PRKCQ: variants seen among roughly 807,000 people sequenced by gnomAD.
PRKCQ encodes protein kinase C theta.
In PRKCQ, 41 loss-of-function variants were observed where a neutral mutation model predicts 91.2. The observed-to-expected ratio is 0.45, with a 90% CI of 0.35 to 0.58. The LOEUF is 0.58. Among genes scored for constraint, PRKCQ ranks in the 20% least tolerant of loss-of-function variants. The probability of loss-of-function intolerance (pLI) is 0.00; values close to 1 mark genes in which losing one functional copy is unlikely to be tolerated. For synonymous variants in PRKCQ, 307 were observed against 316.9 expected, an observed-to-expected ratio of 0.97 and a Z score of 0.33; for missense variants, 673 against 896.5, an observed-to-expected ratio of 0.75 and a Z score of 3.18.
chr10:6,516,836 A>G (rs1838780743), intron 1 of PRKCQ, among the ~76,000 whole-genome samples: 1 of 152,102 alleles, frequency 6.6e-6, no homozygotes, highest in African/African-American at 2.4e-5. Context: ...CCAGGAAGAG[A>G]AGATGGAAAC....
chr10:6,510,160 T>G (rs1451593059), intron 3 of PRKCQ, among the ~76,000 whole-genome samples: 1 of 152,252 alleles, frequency 6.6e-6, no homozygotes, highest in Non-Finnish European at 1.5e-5. Context: ...ATTTTCTGGA[T>G]TTCAGATCAT....
intron 1 of PRKCQ, among the ~76,000 whole-genome samples, chr10:6,574,258 A>G (rs1383671355): frequency 6.6e-6 from 1 of 152,220 alleles, no homozygotes; most frequent in Admixed American, 6.5e-5. Flanking sequence ...CTGTGAGTTC[A>G]TGGGCAGGTA....
intron 14 of PRKCQ, among the ~76,000 whole-genome samples, chr10:6,458,067 T>G (rs548189626): frequency 6.6e-6 from 1 of 152,312 alleles, no homozygotes; most frequent in East Asian, 1.9e-4. Flanking sequence ...CCTCAGACTC[T>G]TGACCACATG....
intron 4 of PRKCQ, among the ~76,000 whole-genome samples, chr10:6,500,092 A>G (rs1837825251): frequency 6.6e-6 from 1 of 152,214 alleles, no homozygotes; most frequent in South Asian, 2.1e-4. Flanking sequence ...ACCTGGAACT[A>G]GGCTGGAAAT....
At chr10:6,395,301 T>C in the PRKCQ span, among the ~76,000 whole-genome samples, 1 of 150,368 alleles carries the variant, frequency 6.7e-6, no homozygotes, top group Non-Finnish European at 1.5e-5. Context: ...CCTGACCTCG[T>C]GATCCGCTCA....
the PRKCQ span, among the ~76,000 whole-genome samples, chr10:6,404,740 T>C: frequency 2.1e-5 from 3 of 144,624 alleles, no homozygotes; most frequent in Admixed American, 2.0e-4. Context: ...CCCTCCTTCC[T>C]TCCTCCCTTC....
At chr10:6,395,846 G>C in the PRKCQ span, among the ~76,000 whole-genome samples, 2 of 152,122 alleles carry the variant, frequency 1.3e-5, no homozygotes, top group African/African-American at 4.8e-5. Flanking sequence ...CTGACCGTCA[G>C]TGCCCTGTAC....
At chr10:6,485,968 G>T in intron 9 of PRKCQ, 67 bp downstream of exon 9, 1 of 1,366,462 alleles carries the variant, frequency 7.3e-7, no homozygotes, top group Non-Finnish European at 1.0e-6. Flanking sequence ...AGGTGAAGCA[G>T]CAGAAGTGCA....
At chr10:6,539,203 C>T (rs912240866) in intron 1 of PRKCQ, among the ~76,000 whole-genome samples, 7 of 152,164 alleles carry the variant, frequency 4.6e-5, no homozygotes, top group African/African-American at 1.4e-4. Context: ...CACGACTCAT[C>T]AGTGAATCGG....
chr10:6,396,004 GAGACTTCCT>G, the PRKCQ span, among the ~76,000 whole-genome samples: 1 of 152,112 alleles, frequency 6.6e-6, no homozygotes, highest in Non-Finnish European at 1.5e-5. Context: ...CTCAAGCAGT[GAGACTTCCT>G]AGCTCCAGGG....
At chr10:6,545,738 C>A (rs566286752) in intron 1 of PRKCQ, among the ~76,000 whole-genome samples, 1 of 152,294 alleles carries the variant, frequency 6.6e-6, no homozygotes, top group South Asian at 2.1e-4. Context: ...TCAGGCCAGG[C>A]ACGGTGGCTC....
intron 12 of PRKCQ, among the ~76,000 whole-genome samples, chr10:6,466,129 G>A (rs763458898): frequency 8.6e-5 from 13 of 151,600 alleles, no homozygotes; most frequent in South Asian, 2.1e-4. Flanking sequence ...AGTGTAGAGC[G>A]AAACCATTTC....
At chr10:6,431,741 CA>C (rs1430641213) in intron 16 of PRKCQ, among the ~76,000 whole-genome samples, 1 of 150,958 alleles carries the variant, frequency 6.6e-6, no homozygotes, top group Non-Finnish European at 1.5e-5. Context: ...TAGTCCCAGA[CA>C]GTCAGCTTTG....
chr10:6,430,852 T>C lies in PRKCQ; in HGVS notation c.1923A>G (p.Glu641=), dbSNP rs1309196329. 1.2e-6 allele frequency: 2 copies of C among 1,614,128 alleles called. No homozygotes were observed. Residue 641 remains glutamate (E), a synonymous_variant, in exon 17 of 18, where the codon GAA becomes GAG. Coordinates refer to ENST00000263125, the MANE Select transcript of PRKCQ (RefSeq NM_006257.5). The surrounding 1 kb of genome is among the most constrained non-coding windows in gnomAD (Gnocchi z 4.7). The part of the protein sequence containing the change: ...HPLFREINWE[E]LERKEIDPPF... Reference sequence around the variant, plus strand: ...GTGGGTCAATCTCCTTCCGTTCAAGTTCCTCCCAGTTGATCTCCCGAAACA... The same window carrying C: ...GTGGGTCAATCTCCTTCCGTTCAAGCTCCTCCCAGTTGATCTCCCGAAACA...
downstream of PRKCQ, among the ~76,000 whole-genome samples, chr10:6,425,242 T>TTG (rs1833087503): frequency 6.7e-6 from 1 of 148,646 alleles, no homozygotes; most frequent in African/African-American, 2.5e-5. Context: ...TTTTTTTTTT[T>TTG]GAAACAGAGT....
the PRKCQ span, among the ~76,000 whole-genome samples, chr10:6,405,724 C>T: frequency 2.6e-5 from 4 of 152,252 alleles, no homozygotes; most frequent in South Asian, 2.1e-4. Context: ...AATGGACTGT[C>T]GCATGATTCT....
the PRKCQ span, among the ~76,000 whole-genome samples, chr10:6,411,342 TA>T: frequency 6.6e-6 from 1 of 152,202 alleles, no homozygotes; most frequent in African/African-American, 2.4e-5. Context: ...TAGCTATGAT[TA>T]TTTTTTTCCT....
At chr10:6,553,139 A>G (rs1383371837) in intron 1 of PRKCQ, among the ~76,000 whole-genome samples, 1 of 152,166 alleles carries the variant, frequency 6.6e-6, no homozygotes, top group East Asian at 1.9e-4. Context: ...GGAAAAATAG[A>G]CCTCAGTAAT....
At chr10:6,460,998 C>T (rs932158296) in intron 14 of PRKCQ, among the ~76,000 whole-genome samples, 1 of 151,728 alleles carries the variant, frequency 6.6e-6, no homozygotes, top group African/African-American at 2.4e-5. Context: ...ATTCCTCATC[C>T]ATCCATCATT....
Sources: gnomAD v4.1 joint callset for allele counts (sites outside exome capture counted in the v4.1 genomes callset) on GRCh38, gnomAD v4.1.1 for gene constraint, Gnocchi (gnomAD v3.1) non-coding constraint, MANE v1.5 for transcripts, NCBI Gene and HGNC (gene_info 2026-07-23, HGNC 2026-07-21) for gene names.